The following GBF1 variants were observed in gnomAD, a reference collection of about 807,000 sequenced individuals.
GBF1 encodes golgi brefeldin A resistant guanine nucleotide exchange factor 1, also known as Golgi-specific brefeldin A-resistance guanine nucleotide exchange factor 1.
GBF1 carries 114 observed loss-of-function variants against 210.5 expected under a neutral mutation model. That is an observed-to-expected ratio of 0.54 (90% confidence interval 0.47 to 0.63). The LOEUF is 0.63. Ranked by LOEUF, GBF1 falls within the 30% of genes least tolerant of loss-of-function variation. The pLI is 0.00. For synonymous variants in GBF1, 850 were observed against 889.2 expected (o/e 0.96, Z 0.78); for missense variants, 1,851 against 2,357.7 (o/e 0.79, Z 4.45).
the GBF1 span, chr10:102,231,543 G>T: frequency 1.2e-5 from 16 of 1,329,648 alleles, 1 homozygote; most frequent in South Asian, 2.0e-4. Context: ...CAGGCTGAGC[G>T]CGGAGGGCCC....
chr10:102,251,280 A>C (rs1009366179), intron 1 of GBF1, among the ~76,000 whole-genome samples: 4 of 152,194 alleles, frequency 2.6e-5, no homozygotes, highest in Non-Finnish European at 5.9e-5. Flanking sequence ...TATCAAAAAA[A>C]GGTTTGCCAG....
intron 3 of GBF1, among the ~76,000 whole-genome samples, chr10:102,293,771 GTTTTTTTTTTTTTT>G (rs56722082): frequency 4.4e-5 from 1 of 22,906 alleles, no homozygotes; most frequent in Admixed American, 6.6e-4. Context: ...TATGTTTTGT[GTTTTTTTTTTTTTT>G]TTTTTTTTTT....
chr10:102,339,386 G>T (rs2058014443), intron 3 of GBF1, among the ~76,000 whole-genome samples: 1 of 148,650 alleles, frequency 6.7e-6, no homozygotes, highest in African/African-American at 2.5e-5. Context: ...GTATATATCG[G>T]CAGGGCACAG....
intron 3 of GBF1, among the ~76,000 whole-genome samples, chr10:102,272,842 TGTGA>T (rs1195532453): frequency 6.6e-6 from 1 of 152,216 alleles, no homozygotes; most frequent in Non-Finnish European, 1.5e-5. Flanking sequence ...CCTAGGGGCT[TGTGA>T]GTATTTTTTA....
intron 3 of GBF1, among the ~76,000 whole-genome samples, chr10:102,262,294 G>A (rs569308592): frequency 2.0e-5 from 3 of 152,284 alleles, no homozygotes; most frequent in South Asian, 2.1e-4. Context: ...TTTATGGCCT[G>A]TACCGACTGG....
Position 102,365,304 on chromosome 10 carries a change from G to A in GBF1, c.2107-93G>A. 3 of 897,628 alleles carry A rather than the reference G, an allele frequency of 3.3e-6. No homozygotes were observed. The Middle Eastern group carries it at 6.6e-4, about 197-fold the overall frequency. The allele number at this position is 897,628 out of a possible 1,614,324, so 55.6% of individuals were successfully genotyped here. A position where few individuals can be genotyped will look rare whatever the true frequency, so the allele number is the denominator to read the frequency against. The stretch of plus-strand genomic sequence containing the variant: ...ACCACATCCTAGGAGCTTTTTAGCT[G>A]ACCAACTGTGGGTGGGCTATGGTGG... On this transcript the variant is annotated intron_variant, in intron 17 of 39. Coordinates refer to ENST00000369983, the MANE Select transcript of GBF1 (RefSeq NM_001377137.1).
the GBF1 span, chr10:102,231,780 C>T: frequency 6.2e-7 from 1 of 1,602,782 alleles, no homozygotes; most frequent in South Asian, 1.1e-5. Flanking sequence ...AAGCCGAGGC[C>T]TTTTCTGAGT....
chr10:102,362,512 A>G lies in GBF1; in HGVS notation c.1724A>G (p.His575Arg). ...GTGTCTGGTCAACTCTATACAACAC[A>G]CCTACTATCTCTTGATGCCCTATTG... ...FPVSGQLYTT[H>R]LLSLDALLTV... The change falls in exon 15 of 40, where the codon CAC becomes CGC. Residue 575 changes from histidine (H) to arginine (R), a missense_variant. Transcript: ENST00000369983. 1 of 1,614,006 alleles carries G rather than the reference A, an allele frequency of 6.2e-7. No homozygotes were observed. The highest frequency in any genetic ancestry group is 8.5e-7 in the Non-Finnish European group (1 of 1,179,858).
chr10:102,353,376 C>T (rs534196185), intron 7 of GBF1, among the ~76,000 whole-genome samples: 2 of 152,288 alleles, frequency 1.3e-5, no homozygotes, highest in African/African-American at 4.8e-5. Context: ...GGGCACTTAC[C>T]TTGCTCTCAC....
chr10:102,354,591 C>G (rs183658365), intron 8 of GBF1, among the ~76,000 whole-genome samples: 25 of 152,296 alleles, frequency 1.6e-4, no homozygotes, highest in African/African-American at 5.1e-4. Flanking sequence ...TAACACAGCA[C>G]GGCTTTGGAA....
At chr10:102,370,908 G>A in intron 29 of GBF1, 48 bp downstream of exon 29, 4 of 1,551,480 alleles carry the variant, frequency 2.6e-6, no homozygotes, top group South Asian at 1.1e-5. Context: ...AAGGGATTAA[G>A]GCCACAGTTG....
In GBF1 at chr10:102,363,285, G is replaced by A. The variant is rs767648426; in HGVS notation, c.1906G>A (p.Val636Ile). The A allele has an allele frequency of 5.6e-6, 9 of 1,613,720 alleles. No individual in the cohort carries two copies. The highest frequency in any genetic ancestry group is 5.5e-5 in the South Asian group (5 of 91,022). Residue 636 changes from valine (V) to isoleucine (I), a missense_variant, in exon 16 of 40, where the codon GTA (valine) becomes ATA (isoleucine). Transcript: ENST00000369983. The surrounding 1 kb of genome is among the most constrained non-coding windows in gnomAD (Gnocchi z 4.2). ...TERTASDGKAVGMASDIPGLH... is the reference protein window; with the variant it reads ...TERTASDGKAIGMASDIPGLH... ...GAGAACTGCCAGCGATGGGAAAGCTGTAGGCATGGCCTCAGACATCCCAGG... is the reference window on the plus strand; with the variant it reads ...GAGAACTGCCAGCGATGGGAAAGCTATAGGCATGGCCTCAGACATCCCAGG...
chr10:102,367,688 T>G (rs2059987426), intron 21 of GBF1, 128 bp downstream of exon 21: 1 of 682,562 alleles, frequency 1.5e-6, no homozygotes, highest in Admixed American at 2.2e-5. Flanking sequence ...AGGACTTAGT[T>G]GGGCAGCCCC....
At chr10:102,300,200 C>T (rs1043344315) in intron 3 of GBF1, among the ~76,000 whole-genome samples, 1 of 152,182 alleles carries the variant, frequency 6.6e-6, no homozygotes, top group African/African-American at 2.4e-5. Flanking sequence ...GAAGCCACAG[C>T]TCTTTTCACT....
intron 3 of GBF1, among the ~76,000 whole-genome samples, chr10:102,339,022 A>G (rs974411781): frequency 1.4e-4 from 22 of 152,084 alleles, no homozygotes; most frequent in African/African-American, 5.1e-4. Context: ...ACACTGAATG[A>G]TATTGGAAAA....
At chr10:102,308,435 T>C (rs2078114078) in intron 3 of GBF1, among the ~76,000 whole-genome samples, 1 of 152,258 alleles carries the variant, frequency 6.6e-6, no homozygotes, top group South Asian at 2.1e-4. Context: ...CGTATGTTTA[T>C]TGCGGCACTA....
At chr10:102,280,023 C>A (rs2075337458) in intron 3 of GBF1, among the ~76,000 whole-genome samples, 1 of 151,762 alleles carries the variant, frequency 6.6e-6, no homozygotes, top group South Asian at 2.1e-4. Flanking sequence ...ACTTGAGAGG[C>A]TAAGACAGGA....
At chr10:102,314,943 C>T (rs1383328401) in intron 3 of GBF1, among the ~76,000 whole-genome samples, 1 of 152,144 alleles carries the variant, frequency 6.6e-6, no homozygotes, top group Non-Finnish European at 1.5e-5. Flanking sequence ...ACAGCCACCT[C>T]AAAGTTTAGG....
At chr10:102,311,421 A>T (rs1229355488) in intron 3 of GBF1, among the ~76,000 whole-genome samples, 1 of 152,236 alleles carries the variant, frequency 6.6e-6, no homozygotes, top group East Asian at 1.9e-4. Flanking sequence ...AAGTCATGGT[A>T]CAGGAAATAT....
Sources: allele counts gnomAD v4.1 joint callset (sites outside exome capture counted in the v4.1 genomes callset), GRCh38; gene constraint gnomAD v4.1.1; non-coding constraint Gnocchi (gnomAD v3.1); transcripts MANE v1.5; gene names NCBI Gene and HGNC (gene_info 2026-07-23, HGNC 2026-07-21).